The following RGS10 variants were observed in gnomAD, a reference collection of about 807,000 sequenced individuals.
RGS10 encodes the protein regulator of G-protein signalling 10.
A neutral mutation model predicts 23.5 loss-of-function variants in RGS10; 11 were observed. The ratio of observed to expected loss-of-function variants is 0.47; its 90% CI spans 0.29 to 0.77. RGS10 has a LOEUF of 0.77. Among genes scored for constraint, RGS10 ranks in the 30% least tolerant of loss-of-function variants. The pLI, the probability that RGS10 is intolerant of heterozygous loss-of-function variation, is 0.08. For missense variants in RGS10, 180 were observed against 226.3 expected, an observed-to-expected ratio of 0.80 and a Z score of 1.31; for synonymous variants, 77 against 83.2, an observed-to-expected ratio of 0.92 and a Z score of 0.41.
intron 1 of RGS10, among the ~76,000 whole-genome samples, chr10:119,533,272 C>G (rs1844350645): frequency 6.6e-6 from 1 of 151,322 alleles, no homozygotes; most frequent in Non-Finnish European, 1.5e-5. Flanking sequence ...GCGGAAGTTG[C>G]AGTGAGCTGA....
At chr10:119,529,015 C>T (rs576405819) in intron 1 of RGS10, among the ~76,000 whole-genome samples, 1 of 152,234 alleles carries the variant, frequency 6.6e-6, no homozygotes, top group South Asian at 2.1e-4. Context: ...CTGGGAGGAA[C>T]AGGGAATCTC....
intron 4 of RGS10, among the ~76,000 whole-genome samples, chr10:119,503,546 C>T (rs1457909771): frequency 3.3e-5 from 5 of 152,168 alleles, no homozygotes; most frequent in Non-Finnish European, 5.9e-5. Flanking sequence ...AGTACCAACG[C>T]GGCTGCAGTG....
At chr10:119,526,204 T>A in intron 2 of RGS10, 86 bp from the exon 3 acceptor site, 1 of 706,396 alleles carries the variant, frequency 1.4e-6, no homozygotes, top group Non-Finnish European at 2.3e-6. Context: ...AAGACTGATT[T>A]GGCAAAATTC....
intron 1 of RGS10, among the ~76,000 whole-genome samples, chr10:119,528,988 C>T (rs1216651159): frequency 6.6e-6 from 1 of 152,128 alleles, no homozygotes. Context: ...CTCTGACTCA[C>T]GACACTGAGA....
intron 3 of RGS10, among the ~76,000 whole-genome samples, chr10:119,519,542 T>G (rs1047514857): frequency 2.4e-5 from 3 of 125,602 alleles, no homozygotes; most frequent in African/African-American, 9.5e-5. Flanking sequence ...TCTCCCTGTC[T>G]GTCCCCCAGC....
chr10:119,542,622 A>G lies in RGS10; in HGVS notation c.17T>C (p.Val6Ala). 2 of 1,423,018 alleles carry G rather than the reference A, an allele frequency of 1.4e-6. No individual in the cohort carries two copies. Among genetic ancestry groups the G allele is most frequent in the Non-Finnish European group, 9.2e-7 (1 of 1,085,194 alleles). The allele number at this position is 1,423,018 out of a possible 1,614,324, so 88.1% of individuals were successfully genotyped here. ...CGGCCGCTTCCTGCTCAGCCGGCTCACGGCGCGGTTGAACATCGCCGCGGG... is the reference window on the plus strand; with the variant it reads ...CGGCCGCTTCCTGCTCAGCCGGCTCGCGGCGCGGTTGAACATCGCCGCGGG... MFNRA[V>A]SRLSRKRPPS... The change falls in exon 1 of 5, where the codon GTG becomes GCG. Residue 6 changes from valine to alanine, a missense_variant. Val to Ala is a moderately conservative substitution (Grantham distance 64). Transcript: ENST00000369103.
chr10:119,535,309 A>G (rs902459051), intron 1 of RGS10, among the ~76,000 whole-genome samples: 2 of 151,826 alleles, frequency 1.3e-5, no homozygotes, highest in African/African-American at 4.8e-5. Flanking sequence ...ACCAGGTGGA[A>G]TCATCCAGCA....
rs1034052022 is a variant in RGS10, at chr10:119,538,797, A to T, written c.49+3793T>A. On this transcript the variant is annotated intron_variant, in intron 1 of 4. Transcript: ENST00000369103. This position sits in a 1 kb window ranked among gnomAD's most constrained non-coding sequence, Gnocchi z 4.5. ...TGGGGCCCCCTCCGCTCCTGCTGCC[A>T]CCCGCAGGCTGCTGCAGCAAAGAAC... Among the ~76,000 whole-genome samples, 5 of 152,048 alleles carry T rather than the reference A, an allele frequency of 3.3e-5. No homozygotes were observed. Among genetic ancestry groups the T allele is most frequent in the African/African-American group, 1.2e-4 (5 of 41,392 alleles).
chr10:119,509,522 T>C (rs1293636423), intron 4 of RGS10, among the ~76,000 whole-genome samples: 1 of 151,714 alleles, frequency 6.6e-6, no homozygotes. Context: ...GCCCAGGAGG[T>C]CAAGGCTACA....
At chr10:119,532,524 G>A (rs1395469843) in intron 1 of RGS10, among the ~76,000 whole-genome samples, 2 of 152,098 alleles carry the variant, frequency 1.3e-5, no homozygotes, top group Admixed American at 1.3e-4. Flanking sequence ...AGACCAGCCT[G>A]GGCAACATGG....
intron 4 of RGS10, among the ~76,000 whole-genome samples, chr10:119,503,288 T>C (rs1211038167): frequency 6.8e-6 from 1 of 147,190 alleles, no homozygotes; most frequent in African/African-American, 2.5e-5. Context: ...TGCAGTGAGC[T>C]AAGATCACGC....
chr10:119,528,419 C>T (rs1337394829), intron 1 of RGS10, among the ~76,000 whole-genome samples: 1 of 152,152 alleles, frequency 6.6e-6, no homozygotes, highest in Non-Finnish European at 1.5e-5. Context: ...AAGACAGGAT[C>T]GGTTATGCTG....
At chr10:119,512,208 C>T (rs1844086405) in intron 4 of RGS10, among the ~76,000 whole-genome samples, 1 of 152,154 alleles carries the variant, frequency 6.6e-6, no homozygotes, top group South Asian at 2.1e-4. Flanking sequence ...ACCATGAAGC[C>T]CAGCAGTGCT....
Position 119,527,172 on chromosome 10 carries a change from A to G in RGS10, c.168+134T>C. The G allele has an allele frequency of 3.2e-6, 2 of 622,760 alleles. No individual in the cohort carries two copies. The highest frequency in any genetic ancestry group is 5.7e-6 in the Non-Finnish European group (2 of 350,518). 38.6% of individuals were successfully genotyped at this position (622,760 alleles called of 1,614,324 possible). On this transcript the variant is annotated intron_variant, in intron 2 of 4. Transcript: ENST00000369103. This position sits in a 1 kb window ranked among gnomAD's most constrained non-coding sequence, Gnocchi z 4.2. ...GTCTCACCCTCAAGCTGGGATAGACAGTACTGAACTCTCAAGCTGGCATAG... is the reference window on the plus strand; with the variant it reads ...GTCTCACCCTCAAGCTGGGATAGACGGTACTGAACTCTCAAGCTGGCATAG...
intron 4 of RGS10, among the ~76,000 whole-genome samples, chr10:119,504,837 C>T (rs1026846310): frequency 6.6e-6 from 1 of 152,156 alleles, no homozygotes; most frequent in Non-Finnish European, 1.5e-5. Flanking sequence ...ACCCCCCACA[C>T]CCTCTCGCCA....
intron 1 of RGS10, among the ~76,000 whole-genome samples, chr10:119,537,087 C>T (rs1027378108): frequency 6.6e-6 from 1 of 152,142 alleles, no homozygotes; most frequent in African/African-American, 2.4e-5. Context: ...GAAAGGAGGA[C>T]GGATAGCTAT....
intron 4 of RGS10, among the ~76,000 whole-genome samples, chr10:119,501,035 G>A (rs1043614763): frequency 5.3e-5 from 8 of 152,126 alleles, no homozygotes; most frequent in Non-Finnish European, 8.8e-5. Flanking sequence ...AGCTTCCTCT[G>A]GCCGCCACTG....
chr10:119,508,295 C>G (rs950639711), intron 4 of RGS10, among the ~76,000 whole-genome samples: 1 of 152,144 alleles, frequency 6.6e-6, no homozygotes, highest in Non-Finnish European at 1.5e-5. Flanking sequence ...CCACTGTGCC[C>G]GGCCCAAAAT....
intron 2 of RGS10, among the ~76,000 whole-genome samples, chr10:119,526,850 T>G (rs1342114843): frequency 6.6e-6 from 1 of 151,968 alleles, no homozygotes; most frequent in Admixed American, 6.6e-5. Flanking sequence ...TATTTCTAGA[T>G]GGGATCAACA....
Sources: allele counts gnomAD v4.1 joint callset (sites outside exome capture counted in the v4.1 genomes callset), GRCh38; gene constraint gnomAD v4.1.1; non-coding constraint Gnocchi (gnomAD v3.1); transcripts MANE v1.5; gene names NCBI Gene and HGNC (gene_info 2026-07-23, HGNC 2026-07-21).